The following CYP3A5 variants were observed in gnomAD, a reference collection of about 807,000 sequenced individuals.
The protein encoded by CYP3A5 is cytochrome P450 3A5.
A neutral mutation model predicts 55.9 loss-of-function variants in CYP3A5; 51 were observed. That is an observed-to-expected ratio of 0.91 (90% CI 0.73 to 1.15). The LOEUF (loss-of-function observed/expected upper bound fraction) is 1.15, where lower values mean the gene tolerates loss of function less well. Among genes scored for constraint, CYP3A5 ranks in the 50% most tolerant of loss-of-function variants. The probability of loss-of-function intolerance (pLI) is 0.00; values close to 1 mark genes in which losing one functional copy is unlikely to be tolerated. For missense variants in CYP3A5, 533 were observed against 596.6 expected (o/e 0.89, Z 1.11); for synonymous variants, 196 against 213.9 (o/e 0.92, Z 0.73).
At chr7:99,649,173 G>C (rs1191719498) in intron 12 of CYP3A5, among the ~76,000 whole-genome samples, 1 of 152,132 alleles carries the variant, frequency 6.6e-6, no homozygotes, top group Non-Finnish European at 1.5e-5. Flanking sequence ...CCTGTCCCAG[G>C]TGTGCCAGAG....
intron 5 of CYP3A5, 85 bp from the exon 6 acceptor site, chr7:99,666,774 T>C: frequency 6.2e-7 from 1 of 1,605,386 alleles, no homozygotes; most frequent in Non-Finnish European, 8.5e-7. Context: ...CATGGAGCAG[T>C]AAGTGACATT....
chr7:99,659,077 C>T (rs1361045776), intron 10 of CYP3A5: 2 of 152,244 alleles, frequency 1.3e-5, no homozygotes, highest in Non-Finnish European at 2.9e-5. Flanking sequence ...CTTCTTCTCT[C>T]AACTCGTCAA....
chr7:99,662,745 G>T lies in CYP3A5; in HGVS notation c.865+71C>A. The T allele has an allele frequency of 7.1e-7, 1 of 1,402,860 alleles. No individual in the cohort carries two copies. The highest frequency in any genetic ancestry group is 1.0e-6 in the Non-Finnish European group (1 of 994,642). 86.9% of individuals were successfully genotyped at this position (1,402,860 alleles called of 1,614,324 possible). A position where few individuals can be genotyped will look rare whatever the true frequency, so the allele number is the denominator to read the frequency against. ...TTCTCATCTTCCTGGAATACTTCCT[G>T]CACATTTTCAGAACAAGGCCCTCCC... On this transcript the variant is annotated intron_variant, in intron 9 of 12. Coordinates refer to ENST00000222982, the MANE Select transcript of CYP3A5 (RefSeq NM_000777.5). This position sits in a 1 kb window ranked among gnomAD's most constrained non-coding sequence, Gnocchi z 4.3.
intron 10 of CYP3A5, chr7:99,659,567 C>G (rs1810174113): frequency 6.5e-6 from 1 of 153,542 alleles, no homozygotes; most frequent in Non-Finnish European, 1.4e-5. Context: ...AGATCTCCAG[C>G]TGTGTGCTGG....
In CYP3A5 at chr7:99,652,651, C is replaced by G; in HGVS notation, c.1155G>C (p.Gly385=). ...CCATTGACCCTTTGGGAATGAATACCCCATTGATTTCAACATCTTTCTTGC... is the reference window on the plus strand; with the variant it reads ...CCATTGACCCTTTGGGAATGAATACGCCATTGATTTCAACATCTTTCTTGC... ...RTCKKDVEIN[G]VFIPKGSMVV... is the part of the protein sequence containing the mutation. Residue 385 remains glycine (G), a synonymous_variant, in exon 11 of 13, where the codon GGG becomes GGC. Transcript: ENST00000222982. 6.2e-7 allele frequency: 1 copy of G among 1,613,982 alleles called. No homozygotes were observed. The highest frequency in any genetic ancestry group is 1.1e-5 in the South Asian group (1 of 91,084).
At chr7:99,676,381 C>A (rs1380446391) in intron 1 of CYP3A5, 173 bp from the exon 2 acceptor site, 4 of 1,522,332 alleles carry the variant, frequency 2.6e-6, no homozygotes, top group Non-Finnish European at 3.5e-6. Flanking sequence ...CCTTTCCTGA[C>A]TATTCTGAGA....
At chr7:99,679,783 C>T (rs1812658522) in intron 1 of CYP3A5, 43 bp downstream of exon 1, 5 of 1,598,240 alleles carry the variant, frequency 3.1e-6, no homozygotes, top group Admixed American at 1.7e-5. Context: ...ATTAGCACCC[C>T]AAGTCCAAGG....
rs149664815 is a variant in CYP3A5 at position 99,650,108 on chromosome 7, G to A, written c.1378C>T (p.Gln460Ter). The A allele has an allele frequency of 5.5e-5, 88 of 1,614,152 alleles. No individual in the cohort carries two copies. In the African/African-American group the frequency reaches 9.2e-4, roughly 17 times the overall value. Residue 460 changes from glutamine to a stop codon, truncating the protein, a stop_gained, in exon 12 of 13, where the codon CAG becomes TAG. Coordinates refer to ENST00000222982, the MANE Select transcript of CYP3A5 (RefSeq NM_000777.5). LOFTEE classifies it low-confidence loss of function (END_TRUNC). ...NMKLALIRVLQNFSFKPCKET... is the reference protein window; with the variant it reads ...NMKLALIRVL ...TTACAAGGTTTGAAGGAGAAGTTCT[G>A]AAGGACTCTGATTAGAGCAAGTTTC...
At chr7:99,672,995 G>A (rs558188887) in intron 3 of CYP3A5, 10 of 660,532 alleles carry the variant, frequency 1.5e-5, no homozygotes, top group South Asian at 4.8e-5. Flanking sequence ...TGGTACATAC[G>A]TGGGTATCTC....
At chr7:99,654,202 G>C (rs1809478315) in intron 10 of CYP3A5, among the ~76,000 whole-genome samples, 1 of 151,858 alleles carries the variant, frequency 6.6e-6, no homozygotes, top group South Asian at 2.1e-4. Context: ...TTTAACATTC[G>C]GTATATCTCC....
chr7:99,676,526 C>T (rs1782245779), intron 1 of CYP3A5: 1 of 1,370,122 alleles, frequency 7.3e-7, no homozygotes. Flanking sequence ...CACTTCATTT[C>T]CTTATGTCTG....
rs766470414 is a variant in CYP3A5, at chr7:99,674,328, GC to G, written c.218+204del. On this transcript the variant is annotated intron_variant, in intron 3 of 12. Transcript: ENST00000222982. ...TTGTCTTGTTTACCTCCCTGAATTT[GC>G]ACATAGTTTATAACGGCAAGCAGAT... is the stretch of plus-strand genomic sequence containing the variant. 5.1e-5 allele frequency: 22 copies of G among 434,116 alleles called. No individual in the cohort carries two copies. In the East Asian group the frequency reaches 6.1e-4, roughly 12 times the overall value. The allele number at this position is 434,116 out of a possible 1,614,324, so 26.9% of individuals were successfully genotyped here.
chr7:99,663,916 T>C lies in CYP3A5; in HGVS notation c.798+52A>G. The C allele has an allele frequency of 2.6e-6, 4 of 1,544,630 alleles. No individual in the cohort carries two copies. The South Asian group carries it at 5.1e-5, about 20-fold the overall frequency. ...TACATGCTCTATCATGTGTATAAAA[T>C]CTAAATTTATCAAAACCTAAACATC... On this transcript the variant is annotated intron_variant, in intron 8 of 12. Transcript: ENST00000222982.
In CYP3A5 at chr7:99,661,267, A is replaced by T. The variant is rs1810414412; in HGVS notation, c.866-608T>A. ...GCTTATTAGAAATGCAGAATCTCAA[A>T]CCCCACCATCGAACTACTGAATCAA... On this transcript the variant is annotated intron_variant, in intron 9 of 12. Transcript: ENST00000222982. 2.6e-5 allele frequency among the ~76,000 whole-genome samples: 4 copies of T among 152,168 alleles called. No homozygotes were observed. The South Asian group carries it at 8.3e-4, about 31-fold the overall frequency.
rs1809445640 is a variant in CYP3A5 at position 99,653,978 on chromosome 7, C to T, written c.1027-1199G>A. ...CATCGCGCCCCCAGGGCCAGGCTAC[C>T]TCAGACCATAGCCAGACCAGAGTGA... On this transcript the variant is annotated intron_variant, in intron 10 of 12. Coordinates refer to ENST00000222982, the MANE Select transcript of CYP3A5 (RefSeq NM_000777.5). This position sits in a 1 kb window ranked among gnomAD's most constrained non-coding sequence, Gnocchi z 4.2. 6.6e-6 allele frequency among the ~76,000 whole-genome samples: 1 copy of T among 152,168 alleles called. No individual in the cohort carries two copies. The highest frequency in any genetic ancestry group is 1.9e-4 in the East Asian group (1 of 5,204).
chr7:99,663,864 C>A (rs1484018961), intron 8 of CYP3A5, 104 bp downstream of exon 8: 1 of 1,443,618 alleles, frequency 6.9e-7, no homozygotes, highest in Non-Finnish European at 9.1e-7. Context: ...AACATAAGTT[C>A]TCTGTCTTTA....
chr7:99,677,688 T>C (rs1233964385), intron 1 of CYP3A5, among the ~76,000 whole-genome samples: 1 of 152,216 alleles, frequency 6.6e-6, no homozygotes, highest in Non-Finnish European at 1.5e-5. Flanking sequence ...TACATTTGGT[T>C]CCCTGCCCCA....
In CYP3A5 at chr7:99,662,266, T is replaced by C. The variant is rs1158151622; in HGVS notation, c.865+550A>G. ...CATTTTGCCACTGTCTTAGTAATAA[T>C]GGTTTTGGTTAAAACCATCCATGGG... On this transcript the variant is annotated intron_variant, in intron 9 of 12. Transcript: ENST00000222982. This position sits in a 1 kb window ranked among gnomAD's most constrained non-coding sequence, Gnocchi z 4.3. Among the ~76,000 whole-genome samples, 1 of 152,218 alleles carries C rather than the reference T, an allele frequency of 6.6e-6. No individual in the cohort carries two copies. The highest frequency in any genetic ancestry group is 1.5e-5 in the Non-Finnish European group (1 of 68,032).
In CYP3A5 at chr7:99,660,562, C is replaced by T; in HGVS notation, c.963G>A (p.Leu321=). Residue 321 remains leucine, a synonymous_variant, in exon 10 of 13, where the codon CTG becomes CTA. Transcript: ENST00000222982. The part of the protein sequence containing the change: ...SSVLSFTLYE[L]ATHPDVQQKL... ...TCTGCTGGACATCAGGGTGAGTGGCCAGTTCATATAAAGTGAAGGAAAGAA... is the reference window on the plus strand; with the variant it reads ...TCTGCTGGACATCAGGGTGAGTGGCTAGTTCATATAAAGTGAAGGAAAGAA... 1 of 1,613,802 alleles carries T rather than the reference C, an allele frequency of 6.2e-7. No individual in the cohort carries two copies. Among genetic ancestry groups the T allele is most frequent in the Non-Finnish European group, 8.5e-7 (1 of 1,179,940 alleles).
Sources: allele counts gnomAD v4.1 joint callset (sites outside exome capture counted in the v4.1 genomes callset), GRCh38; gene constraint gnomAD v4.1.1; non-coding constraint Gnocchi (gnomAD v3.1); transcripts MANE v1.5; gene names NCBI Gene and HGNC (gene_info 2026-07-23, HGNC 2026-07-21).